ANO10: variants seen among roughly 807,000 people sequenced by gnomAD.
The protein encoded by ANO10 is anoctamin-10.
A neutral mutation model predicts 74.7 loss-of-function variants in ANO10; 77 were observed. The observed-to-expected ratio is 1.03, with a 90% CI of 0.86 to 1.25. ANO10 has a LOEUF of 1.25. Among genes scored for constraint, ANO10 ranks in the 50% most tolerant of loss-of-function variants. The probability of loss-of-function intolerance (pLI) is 0.00; values close to 1 mark genes in which losing one functional copy is unlikely to be tolerated. For missense variants in ANO10, 721 were observed against 778.1 expected (o/e 0.93, Z 0.87); for synonymous variants, 279 against 284.9 (o/e 0.98, Z 0.21).
At chr3:43,575,239 T>C (rs556912739) in intron 6 of ANO10, among the ~76,000 whole-genome samples, 35 of 152,326 alleles carry the variant, frequency 2.3e-4, no homozygotes, top group Non-Finnish European at 4.3e-4. Flanking sequence ...TAAATAAAGT[T>C]CTGTAAGTAA....
chr3:43,567,750 C>T (rs1266549883), intron 7 of ANO10, among the ~76,000 whole-genome samples: 4 of 152,028 alleles, frequency 2.6e-5, no homozygotes, highest in Admixed American at 6.5e-5. Flanking sequence ...TAAAGACCAT[C>T]GAGACTAGGA....
chr3:43,549,824 T>C lies in ANO10; in HGVS notation c.1693A>G (p.Ile565Val), dbSNP rs971816036. 1.9e-6 allele frequency: 3 copies of C among 1,614,012 alleles called. No homozygotes were observed. The highest frequency in any genetic ancestry group is 1.7e-6 in the Non-Finnish European group (2 of 1,179,904). The change falls in exon 11 of 13, where the codon ATA becomes GTA. Residue 565 changes from isoleucine (I) to valine (V), a missense_variant. Ile to Val is a conservative substitution (Grantham distance 29). Coordinates refer to ENST00000292246, the MANE Select transcript of ANO10 (RefSeq NM_018075.5). ...AGCGCACAGTTAGTGACCACAGATA[T>C]AACACTCATCGTTTCAAAAGCCAAC... ...WQLAFETMSV[I>V]SVVTNCALIG...
intron 11 of ANO10, among the ~76,000 whole-genome samples, chr3:43,528,875 G>A (rs2078328859): frequency 6.6e-6 from 1 of 152,110 alleles, no homozygotes; most frequent in Non-Finnish European, 1.5e-5. Context: ...TGGGAGGACT[G>A]CTTCAGCCCT....
intron 1 of ANO10, among the ~76,000 whole-genome samples, chr3:43,688,201 G>C (rs542868583): frequency 6.6e-6 from 1 of 152,010 alleles, no homozygotes; most frequent in African/African-American, 2.4e-5. Flanking sequence ...GCAGGCACAG[G>C]CATCTTTGAG....
At chr3:43,545,673 TA>T (rs1339596023) in intron 11 of ANO10, among the ~76,000 whole-genome samples, 1 of 152,204 alleles carries the variant, frequency 6.6e-6, no homozygotes, top group Non-Finnish European at 1.5e-5. Context: ...ACCCCACTGA[TA>T]GTTTTGATGA....
At chr3:43,444,588 A>G (rs2093213424) in intron 11 of ANO10, among the ~76,000 whole-genome samples, 1 of 152,212 alleles carries the variant, frequency 6.6e-6, no homozygotes, top group South Asian at 2.1e-4. Context: ...TCAAGTGAGA[A>G]TTTAAGTCAC....
chr3:43,446,851 C>CTA (rs2093254013), intron 11 of ANO10, among the ~76,000 whole-genome samples: 1 of 152,062 alleles, frequency 6.6e-6, no homozygotes, highest in African/African-American at 2.4e-5. Flanking sequence ...TCTTTTTGAA[C>CTA]TATAGTTTGA....
intron 11 of ANO10, among the ~76,000 whole-genome samples, chr3:43,480,165 C>G (rs987907993): frequency 6.6e-6 from 1 of 152,170 alleles, no homozygotes; most frequent in East Asian, 1.9e-4. Flanking sequence ...TTGAGAAAAT[C>G]TCAAAATAGA....
chr3:43,524,718 C>A (rs1249064356), intron 11 of ANO10, among the ~76,000 whole-genome samples: 5 of 152,142 alleles, frequency 3.3e-5, no homozygotes, highest in African/African-American at 1.2e-4. Context: ...CATCTGGGCT[C>A]TTCTGCCAAA....
rs1559709549 is a variant in ANO10 at position 43,565,693 on chromosome 3, T to TAGAA, written c.1249_1252dup (p.Tyr418PhefsTer59). The TAGAA allele has an allele frequency of 6.5e-7, 1 of 1,533,890 alleles. No individual in the cohort carries two copies. The highest frequency in any genetic ancestry group is 8.7e-7 in the Non-Finnish European group (1 of 1,145,762). On this transcript the variant is annotated frameshift_variant, in exon 8 of 13. Transcript: ENST00000292246. LOFTEE classifies it high-confidence loss of function. ...CATATCTTTCAAGACAAAGGCAATA[T>TAGAA]AGAAGAGTGAGGCAAAGCAATTGAG...
At chr3:43,484,020 T>A (rs1233691251) in intron 11 of ANO10, among the ~76,000 whole-genome samples, 1 of 152,104 alleles carries the variant, frequency 6.6e-6, no homozygotes, top group Non-Finnish European at 1.5e-5. Context: ...CACTGCAGCC[T>A]CAACCTCCCA....
chr3:43,661,652 A>C (rs985136845), intron 1 of ANO10, among the ~76,000 whole-genome samples: 6 of 152,348 alleles, frequency 3.9e-5, no homozygotes, highest in African/African-American at 1.2e-4. Flanking sequence ...TGCTGTATTT[A>C]GGAGATCCAT....
At chr3:43,651,293 AC>A (rs2083784144) in intron 1 of ANO10, among the ~76,000 whole-genome samples, 1 of 150,646 alleles carries the variant, frequency 6.6e-6, no homozygotes, top group Admixed American at 6.6e-5. Flanking sequence ...CAGAAGAAAA[AC>A]CTACACAAAA....
At chr3:43,554,228 C>G (rs573959194) in intron 10 of ANO10, among the ~76,000 whole-genome samples, 1 of 144,288 alleles carries the variant, frequency 6.9e-6, no homozygotes, top group East Asian at 2.1e-4. Flanking sequence ...GAGTGTCGCT[C>G]TGTCACCCAG....
intron 1 of ANO10, among the ~76,000 whole-genome samples, chr3:43,657,539 G>A (rs1476773244): frequency 6.6e-6 from 1 of 152,168 alleles, no homozygotes; most frequent in Non-Finnish European, 1.5e-5. Context: ...TAAAGGGAAG[G>A]CATTTGACCC....
At chr3:43,443,676 CTTCT>C (rs1467042942) in intron 11 of ANO10, among the ~76,000 whole-genome samples, 45 of 74,288 alleles carry the variant, frequency 6.1e-4, no homozygotes, top group African/African-American at 1.7e-3. Context: ...TACTTCCTTC[CTTCT>C]TTTTTTTTTT....
chr3:43,510,273 T>C (rs943670798), intron 11 of ANO10, among the ~76,000 whole-genome samples: 2 of 151,852 alleles, frequency 1.3e-5, no homozygotes, highest in African/African-American at 2.4e-5. Flanking sequence ...CTACTAAAAA[T>C]ACAAAAAGTT....
chr3:43,374,951 T>C (rs902656976), intron 12 of ANO10, among the ~76,000 whole-genome samples: 12 of 151,658 alleles, frequency 7.9e-5, no homozygotes, highest in Non-Finnish European at 1.8e-4. Flanking sequence ...TGAAACTCCG[T>C]CTCTACTAAA....
chr3:43,490,723 T>C (rs2076686165), intron 11 of ANO10, among the ~76,000 whole-genome samples: 1 of 152,100 alleles, frequency 6.6e-6, no homozygotes, highest in Non-Finnish European at 1.5e-5. Context: ...TACCGGCAAA[T>C]AGAACCCAGA....
Sources: gnomAD v4.1 joint callset for allele counts (sites outside exome capture counted in the v4.1 genomes callset) on GRCh38, gnomAD v4.1.1 for gene constraint, MANE v1.5 for transcripts, NCBI Gene and HGNC (gene_info 2026-07-23, HGNC 2026-07-21) for gene names.